ATRNL1: variants seen among roughly 807,000 people sequenced by gnomAD.
ATRNL1 encodes attractin like 1.
In ATRNL1, 95 loss-of-function variants were observed where a neutral mutation model predicts 182.7. That is an observed-to-expected ratio of 0.52 (90% CI 0.44 to 0.62). ATRNL1 has a LOEUF of 0.62. ATRNL1 is among the 20% of genes least tolerant of loss of function. The pLI, the probability that ATRNL1 is intolerant of heterozygous loss-of-function variation, is 0.00. For missense variants in ATRNL1, 1,471 were observed against 1,679.5 expected, an observed-to-expected ratio of 0.88 and a Z score of 2.17; for synonymous variants, 576 against 568.3, an observed-to-expected ratio of 1.01 and a Z score of -0.19.
chr10:115,872,223 A>G (rs782108450), intron 28 of ATRNL1, among the ~76,000 whole-genome samples: 11 of 152,190 alleles, frequency 7.2e-5, no homozygotes, highest in East Asian at 3.9e-4. Flanking sequence ...TAGCCTTTCT[A>G]TGTCATTTCT....
intron 27 of ATRNL1, among the ~76,000 whole-genome samples, chr10:115,808,631 A>G (rs1298509731): frequency 1.3e-5 from 2 of 152,158 alleles, no homozygotes; most frequent in East Asian, 1.9e-4. Flanking sequence ...CGGCACCGCT[A>G]TGCATTCCCA....
At chr10:115,823,324 C>G (rs566740880) in intron 27 of ATRNL1, among the ~76,000 whole-genome samples, 1 of 152,270 alleles carries the variant, frequency 6.6e-6, no homozygotes, top group South Asian at 2.1e-4. Context: ...CAATAACATA[C>G]TGAATGGGCA....
At chr10:115,852,694 A>T (rs560931691) in intron 28 of ATRNL1, among the ~76,000 whole-genome samples, 1 of 152,158 alleles carries the variant, frequency 6.6e-6, no homozygotes, top group Non-Finnish European at 1.5e-5. Context: ...GTGGATAAAG[A>T]TACTGGGGCA....
At chr10:115,155,421 A>T (rs1846465338) in intron 5 of ATRNL1, among the ~76,000 whole-genome samples, 1 of 152,118 alleles carries the variant, frequency 6.6e-6, no homozygotes, top group Non-Finnish European at 1.5e-5. Flanking sequence ...ATAGTATTAA[A>T]TATTAAGCAT....
chr10:115,783,435 G>A (rs1949317886), intron 27 of ATRNL1, among the ~76,000 whole-genome samples: 1 of 152,090 alleles, frequency 6.6e-6, no homozygotes, highest in Non-Finnish European at 1.5e-5. Flanking sequence ...AAATAACTGT[G>A]AACATATCAT....
rs78436562 is a variant in ATRNL1 at position 115,911,841 on chromosome 10, G to A, written c.4019-32817G>A. ...GAACTCCACTTTCTCCCCTCAAGCC[G>A]CTGCTGCCTTGCTTTTCCCATGCAC... is the stretch of plus-strand genomic sequence containing the variant. On this transcript the variant is annotated intron_variant, in intron 28 of 28. Coordinates refer to ENST00000355044, the MANE Select transcript of ATRNL1 (RefSeq NM_207303.4). 6.8e-3 allele frequency among the ~76,000 whole-genome samples: 1,029 copies of A among 152,230 alleles called. 10 individuals carry two copies. The highest frequency in any genetic ancestry group is 0.024 in the African/African-American group (989 of 41,524).
chr10:115,608,339 G>C lies in ATRNL1; in HGVS notation c.3795+58803G>C, dbSNP rs567735548. On this transcript the variant is annotated intron_variant, in intron 26 of 28. Coordinates refer to ENST00000355044, the MANE Select transcript of ATRNL1 (RefSeq NM_207303.4). Reference sequence around the variant, plus strand: ...CGTACAATTCAGAAATCTGAACTCTGGTGTTAAAAAATCCTCAAGATTATT... The same window carrying C: ...CGTACAATTCAGAAATCTGAACTCTCGTGTTAAAAAATCCTCAAGATTATT... Among the ~76,000 whole-genome samples the C allele has an allele frequency of 5.2e-4, 79 of 151,976 alleles. 1 individual carries two copies. The highest frequency in any genetic ancestry group is 1.7e-3 in the African/African-American group (72 of 41,518).
At chr10:115,847,856 A>C (rs1383868399) in intron 27 of ATRNL1, 21 bp from the exon 28 acceptor site, 1 of 1,456,600 alleles carries the variant, frequency 6.9e-7, no homozygotes, top group South Asian at 1.1e-5. Flanking sequence ...TTGCAAACTT[A>C]AAGTGGGTTT....
chr10:115,311,711 C>A (rs1205325909), intron 17 of ATRNL1, among the ~76,000 whole-genome samples: 1 of 152,102 alleles, frequency 6.6e-6, no homozygotes, highest in Non-Finnish European at 1.5e-5. Context: ...GTGTTGAAGT[C>A]CTCCACCATT....
chr10:115,223,443 G>A (rs1444709303), intron 9 of ATRNL1, among the ~76,000 whole-genome samples: 1 of 151,972 alleles, frequency 6.6e-6, no homozygotes, highest in Non-Finnish European at 1.5e-5. Flanking sequence ...TAAAAGGAAG[G>A]CATAACAGTT....
intron 27 of ATRNL1, among the ~76,000 whole-genome samples, chr10:115,830,471 A>G (rs188226557): frequency 6.6e-6 from 1 of 152,226 alleles, no homozygotes; most frequent in East Asian, 1.9e-4. Flanking sequence ...TCTTGTTACC[A>G]AGACTTTGTA....
At chr10:115,653,634 C>T (rs1259226934) in intron 26 of ATRNL1, among the ~76,000 whole-genome samples, 1 of 152,168 alleles carries the variant, frequency 6.6e-6, no homozygotes, top group Non-Finnish European at 1.5e-5. Flanking sequence ...TATTAACCCT[C>T]AGTCCAGGCT....
chr10:115,443,064 G>C (rs1482132130), intron 21 of ATRNL1, among the ~76,000 whole-genome samples: 2 of 151,860 alleles, frequency 1.3e-5, no homozygotes, highest in Non-Finnish European at 2.9e-5. Flanking sequence ...TTGGTTTGGA[G>C]ATTTTTATTA....
intron 5 of ATRNL1, among the ~76,000 whole-genome samples, chr10:115,155,508 G>A (rs782134954): frequency 3.3e-4 from 50 of 152,038 alleles, no homozygotes; most frequent in Non-Finnish European, 5.1e-4. Flanking sequence ...CTGAAGCTTA[G>A]AGAAATTAGG....
In ATRNL1 at chr10:115,389,540, G is replaced by GTATATATATATATATATATATA. The variant is rs58155967; in HGVS notation, c.3176-5089_3176-5068dup. ...CTGAATAGTATTCAAATGTGTATGTGTATATATATATATATATATATATAT... is the reference window on the plus strand; with the variant it reads ...CTGAATAGTATTCAAATGTGTATGTGTATATATATATATATATATATATATATATATATATATATATATATAT... On this transcript the variant is annotated intron_variant, in intron 19 of 28. Transcript: ENST00000355044. 4.7e-4 allele frequency among the ~76,000 whole-genome samples: 21 copies of GTATATATATATATATATATATA among 44,482 alleles called. 4 individuals are homozygous for GTATATATATATATATATATATA. Among genetic ancestry groups the GTATATATATATATATATATATA allele is most frequent in the South Asian group, 9.4e-4 (1 of 1,062 alleles). The allele number at this position is 44,482 out of a possible 152,430, so 29.2% of individuals were successfully genotyped here. A position where few individuals can be genotyped will look rare whatever the true frequency, so the allele number is the denominator to read the frequency against.
intron 24 of ATRNL1, among the ~76,000 whole-genome samples, chr10:115,478,498 T>C (rs145207514): frequency 6.6e-6 from 1 of 151,876 alleles, no homozygotes; most frequent in Non-Finnish European, 1.5e-5. Context: ...GTGCTTCTTT[T>C]AGGCCAGTTA....
chr10:115,328,316 C>T (rs1278473870), intron 18 of ATRNL1, among the ~76,000 whole-genome samples: 1 of 152,084 alleles, frequency 6.6e-6, no homozygotes, highest in East Asian at 1.9e-4. Context: ...ACAAAATATG[C>T]ACATGTTTCA....
intron 19 of ATRNL1, among the ~76,000 whole-genome samples, chr10:115,369,187 A>G (rs138478279): frequency 6.6e-6 from 1 of 150,928 alleles, no homozygotes; most frequent in East Asian, 2.0e-4. Context: ...AAATATATAT[A>G]TTATAAATAC....
At chr10:115,505,842 T>A (rs1460560799) in intron 24 of ATRNL1, among the ~76,000 whole-genome samples, 3 of 151,816 alleles carry the variant, frequency 2.0e-5, no homozygotes, top group African/African-American at 4.9e-5. Flanking sequence ...AAAATTTTTT[T>A]AAATCTCATT....
Sources: allele counts gnomAD v4.1 joint callset (sites outside exome capture counted in the v4.1 genomes callset), GRCh38; gene constraint gnomAD v4.1.1; transcripts MANE v1.5; gene names NCBI Gene and HGNC (gene_info 2026-07-23, HGNC 2026-07-21).